Variants in NAV2 observed in about 807,000 individuals in gnomAD.
The protein encoded by NAV2 is helicase, APC down-regulated 1.
A neutral mutation model predicts 223.2 loss-of-function variants in NAV2; 54 were observed. That is an observed-to-expected ratio of 0.24 (90% CI 0.19 to 0.30). The LOEUF is 0.30. NAV2 is among the 10% of genes least tolerant of loss of function. The probability of loss-of-function intolerance (pLI) is 1.00; values close to 1 mark genes in which losing one functional copy is unlikely to be tolerated. For missense variants in NAV2, 2,806 were observed against 3,147.5 expected (o/e 0.89, Z 2.60); for synonymous variants, 1,279 against 1,239.3 (o/e 1.03, Z -0.67).
At position 19,884,461 on chromosome 11, in the gene NAV2, C is replaced by T. The variant is rs1258095471; in HGVS notation, c.770+4334C>T. The T allele has an allele frequency of 7.2e-6, 7 of 978,566 alleles. No homozygotes were observed. In the African/African-American group the frequency reaches 8.1e-5, roughly 11 times the overall value. 60.6% of individuals were successfully genotyped at this position (978,566 alleles called of 1,614,324 possible). On this transcript the variant is annotated intron_variant, in intron 5 of 37. Transcript: ENST00000349880. Reference sequence around the variant, plus strand: ...CTGAGTTTGCCTTTGGTCCTCTCCTCGTTTCATGTTTGCAGTTCGAGAAAA... The same window carrying T: ...CTGAGTTTGCCTTTGGTCCTCTCCTTGTTTCATGTTTGCAGTTCGAGAAAA...
intron 6 of NAV2, among the ~76,000 whole-genome samples, chr11:19,929,350 A>G (rs2045104910): frequency 6.6e-6 from 1 of 152,224 alleles, no homozygotes; most frequent in African/African-American, 2.4e-5. Context: ...TAGGAATGAT[A>G]GAAATGTATC....
At chr11:19,429,732 G>A (rs1267109496) in intron 1 of NAV2, among the ~76,000 whole-genome samples, 1 of 152,252 alleles carries the variant, frequency 6.6e-6, no homozygotes, top group East Asian at 1.9e-4. Flanking sequence ...CTAGGAGGTG[G>A]GCATTTTGCT....
chr11:20,064,083 G>C (rs1416564504), intron 20 of NAV2, among the ~76,000 whole-genome samples: 2 of 152,092 alleles, frequency 1.3e-5, no homozygotes, highest in African/African-American at 4.8e-5. Flanking sequence ...CCTTTTAAAG[G>C]CTTTATATAG....
At chr11:20,082,877 G>T in intron 25 of NAV2, 130 bp from the exon 26 acceptor site, 1 of 897,656 alleles carries the variant, frequency 1.1e-6, no homozygotes, top group Non-Finnish European at 1.7e-6. Context: ...AAGAGCTCTT[G>T]GGAACCTCTT....
intron 1 of NAV2, among the ~76,000 whole-genome samples, chr11:19,795,083 G>A (rs2057792693): frequency 6.6e-6 from 1 of 152,172 alleles, no homozygotes. Context: ...TGAATAACCT[G>A]TCCAGTGCCA....
At chr11:19,444,495 C>A (rs1851512953) in intron 1 of NAV2, among the ~76,000 whole-genome samples, 1 of 152,050 alleles carries the variant, frequency 6.6e-6, no homozygotes, top group African/African-American at 2.4e-5. Flanking sequence ...GTGGTTTAAC[C>A]ATGTGCTGAA....
At chr11:19,539,518 C>A (rs2044281971) in intron 1 of NAV2, among the ~76,000 whole-genome samples, 1 of 152,092 alleles carries the variant, frequency 6.6e-6, no homozygotes. Flanking sequence ...TACAATTTTT[C>A]ACTCCCTGTT....
chr11:20,006,180 G>C (rs971805730), intron 11 of NAV2, among the ~76,000 whole-genome samples: 1 of 152,188 alleles, frequency 6.6e-6, no homozygotes, highest in Non-Finnish European at 1.5e-5. Context: ...AGGTCTTTCA[G>C]TTGTATGATT....
chr11:19,739,368 G>A (rs978797691), intron 1 of NAV2, among the ~76,000 whole-genome samples: 3 of 152,296 alleles, frequency 2.0e-5, no homozygotes, highest in African/African-American at 7.2e-5. Flanking sequence ...GCATTTTAAT[G>A]ATGAGAAATG....
At chr11:19,839,904 G>A (rs1247351975) in intron 2 of NAV2, among the ~76,000 whole-genome samples, 1 of 152,178 alleles carries the variant, frequency 6.6e-6, no homozygotes, top group East Asian at 1.9e-4. Flanking sequence ...TGAGGACTTT[G>A]GGGATAAGTG....
intron 1 of NAV2, among the ~76,000 whole-genome samples, chr11:19,390,773 G>T (rs577910529): frequency 1.3e-4 from 20 of 152,260 alleles, no homozygotes; most frequent in African/African-American, 4.8e-4. Context: ...TGCTGAGAAA[G>T]AGCTGGAAGA....
intron 10 of NAV2, among the ~76,000 whole-genome samples, chr11:19,949,364 T>A (rs550994250): frequency 1.3e-5 from 2 of 152,310 alleles, no homozygotes; most frequent in African/African-American, 4.8e-5. Context: ...GAGGATGGAC[T>A]ACTTGCAGGT....
At chr11:19,733,968 T>A (rs1213320955) in intron 1 of NAV2, among the ~76,000 whole-genome samples, 2 of 152,182 alleles carry the variant, frequency 1.3e-5, no homozygotes, top group African/African-American at 4.8e-5. Flanking sequence ...CTCACAACAA[T>A]CTTATAGGAA....
chr11:20,056,277 C>G (rs1191322386), intron 19 of NAV2, among the ~76,000 whole-genome samples: 1 of 152,222 alleles, frequency 6.6e-6, no homozygotes, highest in African/African-American at 2.4e-5. Context: ...GCGCCTCCAC[C>G]TTGAGGCTCA....
intron 1 of NAV2, among the ~76,000 whole-genome samples, chr11:19,392,715 T>C (rs570957163): frequency 6.6e-6 from 1 of 152,296 alleles, no homozygotes; most frequent in South Asian, 2.1e-4. Flanking sequence ...TATTAGACTC[T>C]TGATGGGAAG....
intron 1 of NAV2, among the ~76,000 whole-genome samples, chr11:19,574,449 G>T (rs550582415): frequency 6.6e-6 from 1 of 152,092 alleles, no homozygotes; most frequent in South Asian, 2.1e-4. Flanking sequence ...TTCCTGGCCT[G>T]TGTTGTCCCT....
Position 19,664,044 on chromosome 11 carries a change from G to T in NAV2, c.76-168440G>T, listed in dbSNP as rs114131170. 1.7e-3 allele frequency among the ~76,000 whole-genome samples: 261 copies of T among 152,302 alleles called. 1 individual carries two copies. Among genetic ancestry groups the T allele is most frequent in the African/African-American group, 6.1e-3 (252 of 41,564 alleles). ...CAAGAAGGCCACTATCAACTTATCT[G>T]TTCTGTTATGTGAAAGGAAGCCTTT... On this transcript the variant is annotated intron_variant, in intron 1 of 37. Transcript: ENST00000360655.
At chr11:19,945,193 T>G (rs1351411264) in intron 8 of NAV2, among the ~76,000 whole-genome samples, 1 of 88,732 alleles carries the variant, frequency 1.1e-5, no homozygotes, top group South Asian at 4.6e-4. Context: ...TTCCCTTCCC[T>G]TCCCTTCCCT....
Position 20,114,780 on chromosome 11 carries a change from T to C in NAV2, c.7149T>C (p.Ala2383=). 6.2e-7 allele frequency: 1 copy of C among 1,613,614 alleles called. No individual in the cohort carries two copies. Among genetic ancestry groups the C allele is most frequent in the Non-Finnish European group, 8.5e-7 (1 of 1,179,872 alleles). Reference sequence around the variant, plus strand: ...GCAAGCAGATGCCCCCCAGTGATGCTGAAGGTGACCCGCTGGTGAGTCCTC... The same window carrying C: ...GCAAGCAGATGCCCCCCAGTGATGCCGAAGGTGACCCGCTGGTGAGTCCTC... ...STSKQMPPSD[A]EGDPLMNMLM... is the part of the protein sequence containing the mutation. The change falls in exon 37 of 38, where the codon GCT becomes GCC. Residue 2383 remains alanine, a synonymous_variant. Transcript: ENST00000349880.
Sources: allele counts gnomAD v4.1 joint callset (sites outside exome capture counted in the v4.1 genomes callset), GRCh38; gene constraint gnomAD v4.1.1; transcripts MANE v1.5; gene names NCBI Gene and HGNC (gene_info 2026-07-23, HGNC 2026-07-21).